Variants in KCNT2 observed in about 807,000 individuals in gnomAD.
KCNT2 encodes the protein potassium channel subfamily T member 2.
Under a neutral mutation model 153.8 loss-of-function variants are expected in KCNT2, and 67 were observed. That is an observed-to-expected ratio of 0.44 (90% CI 0.36 to 0.53). KCNT2 has a LOEUF of 0.53. KCNT2 is among the 20% of genes least tolerant of loss of function. KCNT2 has a pLI of 0.00. For missense variants in KCNT2, 975 were observed against 1,354.8 expected (o/e 0.72, Z 4.40); for synonymous variants, 500 against 458.8 (o/e 1.09, Z -1.15).
At position 196,258,417 on chromosome 1, in the gene KCNT2, G is replaced by A. The variant is rs143187108; in HGVS notation, c.2988C>T (p.His996=). The A allele has an allele frequency of 1.4e-4, 219 of 1,613,568 alleles. No homozygotes were observed. In the African/African-American group the frequency reaches 2.5e-3, roughly 19 times the overall value. ...SKEQGHHRSN[H]RNSTSSDQSD... ...ACTGATCACTGGATGTTGAGTTGCG[G>A]TGGTTGCTGCGGTGGTGCCCTTGTT... The change falls in exon 26 of 28, where the codon CAC becomes CAT. Residue 996 remains histidine (H), a synonymous_variant. Transcript: ENST00000294725.
rs544642968 is a variant in KCNT2 at position 196,452,867 on chromosome 1, G to A, written c.638+12426C>T. Among the ~76,000 whole-genome samples the A allele has an allele frequency of 2.0e-5, 3 of 151,940 alleles. No individual in the cohort carries two copies. The East Asian group carries it at 5.9e-4, about 30-fold the overall frequency. On this transcript the variant is annotated intron_variant, in intron 8 of 27. Coordinates refer to ENST00000294725, the MANE Select transcript of KCNT2 (RefSeq NM_198503.5). ...TAAAATTATATTTATACCTTCAACT[G>A]ATGAGGTCCACCCACATTATGGAGG...
chr1:196,480,136 T>A (rs1251385869), intron 4 of KCNT2, among the ~76,000 whole-genome samples: 1 of 151,682 alleles, frequency 6.6e-6, no homozygotes, highest in African/African-American at 2.4e-5. Context: ...AATAATAAAA[T>A]TATTCTGTGT....
At chr1:196,239,029 C>G (rs1424427649) in intron 26 of KCNT2, among the ~76,000 whole-genome samples, 2 of 151,696 alleles carry the variant, frequency 1.3e-5, no homozygotes, top group African/African-American at 4.8e-5. Context: ...TCTTCAAGAT[C>G]CTATCAATTA....
chr1:196,449,421 A>G (rs561631682), intron 8 of KCNT2, among the ~76,000 whole-genome samples: 76 of 151,880 alleles, frequency 5.0e-4, no homozygotes, highest in East Asian at 3.9e-4. Flanking sequence ...AAGTGTCCCA[A>G]TGAACCTGGA....
Position 196,248,107 on chromosome 1 carries a change from G to T in KCNT2, c.3211+10087C>A, listed in dbSNP as rs1655615608. Among the ~76,000 whole-genome samples, 5 of 151,942 alleles carry T rather than the reference G, an allele frequency of 3.3e-5. No homozygotes were observed. In the South Asian group the frequency reaches 1.0e-3, roughly 32 times the overall value. ...AAGATTTCTCAAAACAAAAAGTAAT[G>T]GAAACACAACATACCAAAAATCTAT... On this transcript the variant is annotated intron_variant, in intron 26 of 27. Transcript: ENST00000294725.
At chr1:196,385,076 C>G (rs1669847012) in intron 13 of KCNT2, among the ~76,000 whole-genome samples, 1 of 152,074 alleles carries the variant, frequency 6.6e-6, no homozygotes, top group African/African-American at 2.4e-5. Context: ...AAAAGGAATT[C>G]TTAATGCAAA....
chr1:196,596,462 TG>T (rs1380112190), intron 1 of KCNT2, among the ~76,000 whole-genome samples: 3 of 152,196 alleles, frequency 2.0e-5, no homozygotes, highest in African/African-American at 7.2e-5. Context: ...GGTTTTAATT[TG>T]CATTTCCCTG....
intron 27 of KCNT2, among the ~76,000 whole-genome samples, chr1:196,229,600 G>A (rs1653774126): frequency 6.6e-6 from 1 of 152,064 alleles, no homozygotes; most frequent in African/African-American, 2.4e-5. Flanking sequence ...TAGTGAGGAA[G>A]GAACATCAAA....
intron 5 of KCNT2, among the ~76,000 whole-genome samples, chr1:196,469,544 C>T (rs1161637031): frequency 2.0e-5 from 3 of 152,110 alleles, no homozygotes. Context: ...TTTCAATCAT[C>T]TAGACTCTAA....
chr1:196,492,135 C>T lies in KCNT2; in HGVS notation c.175+127G>A, dbSNP rs1246066571. 4 of 934,260 alleles carry T rather than the reference C, an allele frequency of 4.3e-6. No individual in the cohort carries two copies. The Admixed American group carries it at 1.8e-4, about 41-fold the overall frequency. 57.9% of individuals were successfully genotyped at this position (934,260 alleles called of 1,614,324 possible). On this transcript the variant is annotated intron_variant, in intron 2 of 27. Transcript: ENST00000294725. ...AAAAATAACCAATTTTATTCCTCTA[C>T]CACCTGCTGGAAAAAATAACCAATT...
At chr1:196,608,095 A>C (rs1665522197) in intron 1 of KCNT2, 120 bp downstream of exon 1, 2 of 835,386 alleles carry the variant, frequency 2.4e-6, no homozygotes, top group Admixed American at 3.5e-5. Context: ...TCCCTCCCCC[A>C]GCCTAGTCTC....
At position 196,258,464 on chromosome 1, in the gene KCNT2, C is replaced by A; in HGVS notation, c.2941G>T (p.Glu981Ter). The change falls in exon 26 of 28, where the codon GAA becomes TAA. Residue 981 changes from glutamate to a stop codon, truncating the protein, a stop_gained. Transcript: ENST00000294725. LOFTEE classifies it high-confidence loss of function. The stretch of plus-strand genomic sequence containing the variant: ...TGTTCTTTGGAGTCTTTGGTGTCTT[C>A]CCACTCTTCTACACTGATAGATATT... ...SQISISVEEW[E>*]DTKDSKEQGH... 6.2e-7 allele frequency: 1 copy of A among 1,610,228 alleles called. No homozygotes were observed. The highest frequency in any genetic ancestry group is 8.5e-7 in the Non-Finnish European group (1 of 1,177,192).
chr1:196,415,021 T>C (rs1672642864), intron 12 of KCNT2, among the ~76,000 whole-genome samples: 1 of 151,926 alleles, frequency 6.6e-6, no homozygotes, highest in African/African-American at 2.4e-5. Flanking sequence ...TGTGAAATGA[T>C]TAAATTGTAG....
intron 5 of KCNT2, among the ~76,000 whole-genome samples, chr1:196,474,255 G>C (rs1029025344): frequency 1.4e-4 from 22 of 152,004 alleles, no homozygotes; most frequent in African/African-American, 4.6e-4. Flanking sequence ...ATTAGTTATA[G>C]CAGTTCATTT....
chr1:196,244,666 C>T (rs1192568373), intron 26 of KCNT2, among the ~76,000 whole-genome samples: 2 of 152,054 alleles, frequency 1.3e-5, no homozygotes, highest in African/African-American at 4.8e-5. Flanking sequence ...GGTTTTGGTG[C>T]CAGGCCAGCT....
At chr1:196,459,127 TG>T (rs1048154150) in intron 8 of KCNT2, among the ~76,000 whole-genome samples, 1 of 151,726 alleles carries the variant, frequency 6.6e-6, no homozygotes, top group Non-Finnish European at 1.5e-5. Context: ...TTTGAGGTAA[TG>T]ATAAAACCAG....
intron 14 of KCNT2, among the ~76,000 whole-genome samples, chr1:196,364,339 T>C (rs921551443): frequency 6.6e-6 from 1 of 152,182 alleles, no homozygotes; most frequent in Non-Finnish European, 1.5e-5. Context: ...CTTCCTTGAA[T>C]ACGTAATTTT....
At position 196,608,392 on chromosome 1, in the gene KCNT2, G is replaced by A. The variant is rs1665552399; in HGVS notation, c.-83C>T. On this transcript the variant is annotated 5_prime_UTR_variant, in exon 1 of 28. Coordinates refer to ENST00000294725, the MANE Select transcript of KCNT2 (RefSeq NM_198503.5). ...AAGAAAATATTGCGGAGTACAGGGA[G>A]AGGACTAACAAGACGCTGTGGCCGA... 7 of 1,109,682 alleles carry A rather than the reference G, an allele frequency of 6.3e-6. No individual in the cohort carries two copies. The African/African-American group carries it at 9.2e-5, about 15-fold the overall frequency. 68.7% of individuals were successfully genotyped at this position (1,109,682 alleles called of 1,614,324 possible).
chr1:196,398,577 T>A lies in KCNT2; in HGVS notation c.1280A>T (p.His427Leu), dbSNP rs1671149359. 1 of 1,592,452 alleles carries A rather than the reference T, an allele frequency of 6.3e-7. No individual in the cohort carries two copies. Among genetic ancestry groups the A allele is most frequent in the Non-Finnish European group, 8.6e-7 (1 of 1,162,962 alleles). ...TAAAAACTTACCAGCAAATTTGATGTGAAATTTATTTTCAGGCTTTAATAT... is the reference window on the plus strand; with the variant it reads ...TAAAAACTTACCAGCAAATTTGATGAGAAATTTATTTTCAGGCTTTAATAT... ...VQILKPENKFHIKFADHVVCE... is the reference protein window; with the variant it reads ...VQILKPENKFLIKFADHVVCE... The change falls in exon 13 of 28, where the codon CAC becomes CTC. Residue 427 changes from histidine to leucine, a missense_variant. This residue lies in a region of KCNT2 where 202 missense variants were observed against 314.9 expected (regional missense o/e 0.64). Transcript: ENST00000294725.
Sources: allele counts gnomAD v4.1 joint callset (sites outside exome capture counted in the v4.1 genomes callset), GRCh38; gene constraint gnomAD v4.1.1; regional missense constraint gnomAD v4.1.1; transcripts MANE v1.5; gene names NCBI Gene and HGNC (gene_info 2026-07-23, HGNC 2026-07-21).